LARS2: variants seen among roughly 807,000 people sequenced by gnomAD.
LARS2 encodes leucyl-tRNA synthetase 2, mitochondrial, also known as leucine--tRNA ligase, mitochondrial.
In LARS2, 81 loss-of-function variants were observed where a neutral mutation model predicts 116.6. The ratio of observed to expected loss-of-function variants is 0.69; its 90% CI spans 0.58 to 0.84. The LOEUF is 0.84. LARS2 is among the 40% of genes least tolerant of loss of function. LARS2 has a pLI of 0.00. For synonymous variants in LARS2, 396 were observed against 407.2 expected (o/e 0.97, Z 0.33); for missense variants, 968 against 1,114.5 (o/e 0.87, Z 1.87).
At chr3:45,444,816 CAT>C (rs1698991363) in intron 6 of LARS2, among the ~76,000 whole-genome samples, 1 of 149,984 alleles carries the variant, frequency 6.7e-6, no homozygotes, top group South Asian at 2.1e-4. Flanking sequence ...ATATGTGTTA[CAT>C]ATATAATATA....
intron 15 of LARS2, among the ~76,000 whole-genome samples, chr3:45,502,013 C>T (rs771429168): frequency 1.6e-4 from 24 of 152,110 alleles, no homozygotes; most frequent in Non-Finnish European, 3.5e-4. Context: ...TATGGGCATG[C>T]AATGCATAGT....
intron 20 of LARS2, chr3:45,541,611 C>T: frequency 3.6e-6 from 2 of 556,526 alleles, no homozygotes; most frequent in African/African-American, 1.9e-5. Context: ...TCCATCTTTA[C>T]AGCTCTGCGT....
At position 45,547,420 on chromosome 3, in the gene LARS2, G is replaced by A. The variant is rs34965084; in HGVS notation, c.2602G>A (p.Glu868Lys). 5.3e-4 allele frequency: 848 copies of A among 1,613,862 alleles called. 5 individuals carry two copies. In the African/African-American group the frequency reaches 8.5e-3, roughly 16 times the overall value. ...TGCCCGGGACCAGGACAAAGTCCAC[G>A]AATTTGTTCTTCAAAGCGAGCTGGG... is the stretch of plus-strand genomic sequence containing the variant. ...QVARDQDKVH[E>K]FVLQSELGVR... Residue 868 changes from glutamate (E) to lysine (K), a missense_variant, in exon 22 of 22, where the codon GAA becomes AAA. By Grantham distance (56) the Glu-to-Lys change is moderately conservative. Transcript: ENST00000645846.
chr3:45,468,679 T>G (rs1699474485), intron 8 of LARS2, among the ~76,000 whole-genome samples: 1 of 152,226 alleles, frequency 6.6e-6, no homozygotes, highest in Non-Finnish European at 1.5e-5. Context: ...GTTCTGCTGC[T>G]GAAAAGGTGG....
chr3:45,496,197 T>C (rs1016807632), intron 13 of LARS2, 78 bp from the exon 14 acceptor site: 63 of 1,100,144 alleles, frequency 5.7e-5, no homozygotes, highest in African/African-American at 2.2e-4. Context: ...TTCATACTTA[T>C]AGCTCTCTCA....
chr3:45,523,888 G>A, intron 19 of LARS2, 109 bp from the exon 20 acceptor site: 1 of 741,688 alleles, frequency 1.3e-6, no homozygotes, highest in Non-Finnish European at 2.3e-6. Flanking sequence ...GGCAAAGGGG[G>A]TTTCTTCCTA....
chr3:45,451,674 C>T (rs1699130645), intron 7 of LARS2, among the ~76,000 whole-genome samples: 1 of 151,954 alleles, frequency 6.6e-6, no homozygotes, highest in Non-Finnish European at 1.5e-5. Context: ...CTCAGGATTG[C>T]TTTGGCTATT....
intron 7 of LARS2, among the ~76,000 whole-genome samples, chr3:45,451,553 T>C (rs371303097): frequency 3.2e-4 from 48 of 152,268 alleles, no homozygotes; most frequent in African/African-American, 1.1e-3. Context: ...TTTCATTTCA[T>C]TGGTCTGTTT....
intron 6 of LARS2, among the ~76,000 whole-genome samples, chr3:45,423,955 T>C (rs1042999011): frequency 7.9e-5 from 12 of 152,246 alleles, no homozygotes; most frequent in Non-Finnish European, 1.5e-4. Context: ...AAAATACTTA[T>C]AGGCTTGCAG....
At chr3:45,506,755 C>G (rs747742355) in intron 15 of LARS2, among the ~76,000 whole-genome samples, 7 of 152,070 alleles carry the variant, frequency 4.6e-5, no homozygotes, top group Non-Finnish European at 1.0e-4. Context: ...TCAGTTATCT[C>G]TGAGCACTCT....
intron 18 of LARS2, among the ~76,000 whole-genome samples, chr3:45,518,640 C>T (rs1700407754): frequency 6.6e-6 from 1 of 152,064 alleles, no homozygotes; most frequent in African/African-American, 2.4e-5. Context: ...CTTTGTTACA[C>T]AATATCCATG....
intron 20 of LARS2, among the ~76,000 whole-genome samples, chr3:45,536,372 G>C (rs535471684): frequency 1.3e-5 from 2 of 152,208 alleles, no homozygotes. Flanking sequence ...GCCTCTCAAA[G>C]TGCTAGGATT....
chr3:45,497,303 CA>C (rs932542255), intron 14 of LARS2, among the ~76,000 whole-genome samples: 1 of 150,928 alleles, frequency 6.6e-6, no homozygotes, highest in Non-Finnish European at 1.5e-5. Flanking sequence ...CCGCCCCCCC[CA>C]AAAAAAGAAA....
At chr3:45,484,564 T>TA (rs1302458662) in intron 10 of LARS2, among the ~76,000 whole-genome samples, 8 of 122,100 alleles carry the variant, frequency 6.6e-5, no homozygotes, top group Non-Finnish European at 1.1e-4. Context: ...CCTGGAATTT[T>TA]AGACCAGCCT....
At chr3:45,441,792 G>A (rs1445287053) in intron 6 of LARS2, among the ~76,000 whole-genome samples, 2 of 152,188 alleles carry the variant, frequency 1.3e-5, no homozygotes, top group East Asian at 1.9e-4. Context: ...TGAGGTATGG[G>A]TGGCAGGTCG....
At chr3:45,529,263 A>AT (rs1404945461) in intron 20 of LARS2, among the ~76,000 whole-genome samples, 11 of 151,968 alleles carry the variant, frequency 7.2e-5, no homozygotes, top group African/African-American at 2.2e-4. Flanking sequence ...GTTATACATT[A>AT]TTTTTTTAAA....
At chr3:45,534,760 A>G (rs925867702) in intron 20 of LARS2, among the ~76,000 whole-genome samples, 3 of 152,238 alleles carry the variant, frequency 2.0e-5, no homozygotes, top group Admixed American at 1.3e-4. Context: ...CTTAGAACCT[A>G]ACAGTCCTCT....
At chr3:45,532,617 T>C (rs760654666) in intron 20 of LARS2, among the ~76,000 whole-genome samples, 14 of 152,212 alleles carry the variant, frequency 9.2e-5, no homozygotes, top group Non-Finnish European at 1.9e-4. Flanking sequence ...TTCACTGACT[T>C]CACAGAGGGA....
In LARS2 at chr3:45,424,732, G is replaced by A. The variant is rs77134472; in HGVS notation, c.516+5003G>A. ...ATTTTTCGTCAGAGTGTATCTCAGT[G>A]TCAATTTGTTTGCTTTAATTTTGCC... On this transcript the variant is annotated intron_variant, in intron 6 of 21. Transcript: ENST00000645846. Among the ~76,000 whole-genome samples the A allele has an allele frequency of 6.5e-3, 995 of 152,164 alleles. 6 individuals are homozygous for A. The highest frequency in any genetic ancestry group is 0.023 in the African/African-American group (954 of 41,512).
Sources: gnomAD v4.1 joint callset for allele counts (sites outside exome capture counted in the v4.1 genomes callset) on GRCh38, gnomAD v4.1.1 for gene constraint, MANE v1.5 for transcripts, NCBI Gene and HGNC (gene_info 2026-07-23, HGNC 2026-07-21) for gene names.